The following UBE2K variants were observed in gnomAD, a reference collection of about 807,000 sequenced individuals.
The protein encoded by UBE2K is ubiquitin-conjugating enzyme E2 K.
A neutral mutation model predicts 30.0 loss-of-function variants in UBE2K; 6 were observed. The ratio of observed to expected loss-of-function variants is 0.20; its 90% CI spans 0.11 to 0.39. The LOEUF (loss-of-function observed/expected upper bound fraction) is 0.39, where lower values mean the gene tolerates loss of function less well. Ranked by LOEUF, UBE2K falls within the 10% of genes least tolerant of loss-of-function variation. The pLI is 1.00. For synonymous variants in UBE2K, 86 were observed against 83.7 expected, an observed-to-expected ratio of 1.03 and a Z score of -0.15; for missense variants, 61 against 241.6, an observed-to-expected ratio of 0.25 and a Z score of 4.96.
intron 4 of UBE2K, among the ~76,000 whole-genome samples, chr4:39,758,225 G>T (rs1711627557): frequency 1.3e-5 from 2 of 152,126 alleles, no homozygotes; most frequent in Non-Finnish European, 1.5e-5. Flanking sequence ...CCTGTCTGCA[G>T]ATCTATTGGC....
chr4:39,702,253 T>C (rs868591491), intron 1 of UBE2K, among the ~76,000 whole-genome samples: 27 of 40,998 alleles, frequency 6.6e-4, no homozygotes, highest in East Asian at 1.2e-3. Flanking sequence ...TTTTTTTTTT[T>C]TTTTTTTTTT....
At position 39,770,660 on chromosome 4, in the gene UBE2K, A is replaced by G. The variant is rs1712735880; in HGVS notation, c.300-4174A>G. 3.2e-6 allele frequency: 5 copies of G among 1,585,046 alleles called. No homozygotes were observed. The South Asian group carries it at 3.5e-5, about 11-fold the overall frequency. Reference sequence around the variant, plus strand: ...ACAGGCTATAGCAGGCCTTCACCACACCCTGCGGTGGGGCCACAGTGCTGG... The same window carrying G: ...ACAGGCTATAGCAGGCCTTCACCACGCCCTGCGGTGGGGCCACAGTGCTGG... On this transcript the variant is annotated intron_variant, in intron 4 of 6. Coordinates refer to ENST00000261427, the MANE Select transcript of UBE2K (RefSeq NM_005339.5).
intron 4 of UBE2K, chr4:39,770,334 T>C: frequency 1.2e-6 from 2 of 1,613,236 alleles, no homozygotes; most frequent in Non-Finnish European, 1.7e-6. Flanking sequence ...GTTCCTGTGG[T>C]GGTTGAGGTT....
At chr4:39,770,791 C>T (rs777500046) in intron 4 of UBE2K, 2 of 1,570,188 alleles carry the variant, frequency 1.3e-6, no homozygotes, top group Non-Finnish European at 1.7e-6. Flanking sequence ...TGTGCGATGT[C>T]CAGGGCCGAC....
intron 4 of UBE2K, chr4:39,761,103 C>G (rs1711912625): frequency 6.6e-6 from 1 of 152,170 alleles, no homozygotes; most frequent in Non-Finnish European, 1.5e-5. Flanking sequence ...CTATGCCAGT[C>G]AGGTGTCCAC....
In UBE2K at chr4:39,744,763, C is replaced by A. The variant is rs553531334; in HGVS notation, c.158-989C>A. On this transcript the variant is annotated intron_variant, in intron 2 of 6. Coordinates refer to ENST00000261427, the MANE Select transcript of UBE2K (RefSeq NM_005339.5). Reference sequence around the variant, plus strand: ...GTACTAAAAACACAAAAAAATTAGCCAGGCGTGGTGATGGGCGCCTGTAGT... The same window carrying A: ...GTACTAAAAACACAAAAAAATTAGCAAGGCGTGGTGATGGGCGCCTGTAGT... Among the ~76,000 whole-genome samples the A allele has an allele frequency of 9.4e-4, 142 of 151,238 alleles. 1 individual carries two copies. Among genetic ancestry groups the A allele is most frequent in the African/African-American group, 3.1e-3 (128 of 41,294 alleles).
At chr4:39,771,378 T>C in intron 4 of UBE2K, 2 of 1,612,734 alleles carry the variant, frequency 1.2e-6, no homozygotes, top group South Asian at 1.1e-5. Context: ...TCATGTTCCG[T>C]AGCGTAGCGG....
At chr4:39,723,482 C>T (rs1719547428) in intron 1 of UBE2K, among the ~76,000 whole-genome samples, 1 of 151,426 alleles carries the variant, frequency 6.6e-6, no homozygotes, top group Admixed American at 6.6e-5. Flanking sequence ...CATTCTGCTG[C>T]CTCAGCCTCC....
At chr4:39,766,179 GTTTTTGT>G (rs1712324108) in intron 4 of UBE2K, among the ~76,000 whole-genome samples, 1 of 146,318 alleles carries the variant, frequency 6.8e-6, no homozygotes, top group South Asian at 2.1e-4. Flanking sequence ...GTCTGTGTGT[GTTTTTGT>G]TTTTTGTTTT....
intron 1 of UBE2K, among the ~76,000 whole-genome samples, chr4:39,722,179 T>G (rs1199292419): frequency 1.3e-5 from 2 of 152,220 alleles, no homozygotes; most frequent in Non-Finnish European, 2.9e-5. Context: ...AATTGTATTC[T>G]TGGGTCTTTT....
At chr4:39,775,248 T>G (rs568614993) in intron 5 of UBE2K, among the ~76,000 whole-genome samples, 1 of 152,338 alleles carries the variant, frequency 6.6e-6, no homozygotes, top group Non-Finnish European at 1.5e-5. Flanking sequence ...GTCCATCTTT[T>G]TATCCTTCCT....
At chr4:39,702,003 C>T (rs1023795724) in intron 1 of UBE2K, among the ~76,000 whole-genome samples, 8 of 151,812 alleles carry the variant, frequency 5.3e-5, no homozygotes, top group South Asian at 4.2e-4. Context: ...TCAAGTGATC[C>T]GCCTGCCTCA....
chr4:39,763,717 C>T (rs954620781), intron 4 of UBE2K, among the ~76,000 whole-genome samples: 2 of 152,184 alleles, frequency 1.3e-5, no homozygotes, highest in African/African-American at 2.4e-5. Flanking sequence ...GACAAATATC[C>T]AAACTATATC....
At chr4:39,774,955 G>C (rs1292417074) in intron 5 of UBE2K, 22 bp downstream of exon 5, 1 of 1,542,416 alleles carries the variant, frequency 6.5e-7, no homozygotes, top group Non-Finnish European at 8.9e-7. Context: ...GCTTTTGAAA[G>C]ACTTTCTTAT....
At chr4:39,744,931 A>T (rs928916359) in intron 2 of UBE2K, among the ~76,000 whole-genome samples, 86 of 150,630 alleles carry the variant, frequency 5.7e-4, no homozygotes, top group African/African-American at 1.1e-3. Flanking sequence ...TAAATTAAAT[A>T]AAATAAATAA....
chr4:39,731,193 A>ATC (rs1720055899), intron 1 of UBE2K, among the ~76,000 whole-genome samples: 1 of 150,720 alleles, frequency 6.6e-6, no homozygotes, highest in Non-Finnish European at 1.5e-5. Flanking sequence ...GCGCCCGGCC[A>ATC]TCTTGTACTC....
Position 39,752,320 on chromosome 4 carries a change from TTTTTCTTTTTTTTTC to T in UBE2K, c.217-3332_217-3318del, listed in dbSNP as rs1234812889. Among the ~76,000 whole-genome samples the T allele has an allele frequency of 1.3e-3, 141 of 111,706 alleles. 3 individuals are homozygous for T. Among genetic ancestry groups the T allele is most frequent in the East Asian group, 8.7e-3 (28 of 3,222 alleles). The allele number at this position is 111,706 out of a possible 152,430, so 73.3% of individuals were successfully genotyped here. A position where few individuals can be genotyped will look rare whatever the true frequency, so the allele number is the denominator to read the frequency against. On this transcript the variant is annotated intron_variant, in intron 3 of 6. Coordinates refer to ENST00000261427, the MANE Select transcript of UBE2K (RefSeq NM_005339.5). ...CCATCACGCCTGGCTAATTTTTTTT[TTTTTCTTTTTTTTTC>T]TTTTTTTTTTTTTTTTTTTGAGACG...
Position 39,779,042 on chromosome 4 carries a change from A to ACCCCCCCCCCCCCCCCCCCTCC in UBE2K, c.*616_*617insCCCCCCCCCCCTCCCCCCCCCC, listed in dbSNP as rs3839130. The ACCCCCCCCCCCCCCCCCCCTCC allele has an allele frequency of 7.8e-6, 1 of 128,212 alleles. No individual in the cohort carries two copies. The highest frequency in any genetic ancestry group is 3.0e-5 in the African/African-American group (1 of 32,816). The allele number at this position is 128,212 out of a possible 1,614,324, so 7.9% of individuals were successfully genotyped here. A position where few individuals can be genotyped will look rare whatever the true frequency, so the allele number is the denominator to read the frequency against. Reference sequence around the variant, plus strand: ...TGGGACAGTGTCTGATTCCCCCTTCACCCCCCCCACCCCCGCCTTGCCACA... The same window carrying ACCCCCCCCCCCCCCCCCCCTCC: ...TGGGACAGTGTCTGATTCCCCCTTCACCCCCCCCCCCCCCCCCCCTCCCCCCCCCCACCCCCGCCTTGCCACA... On this transcript the variant is annotated 3_prime_UTR_variant, in exon 7 of 7. Transcript: ENST00000261427.
At chr4:39,723,210 A>ATT (rs150197220) in intron 1 of UBE2K, among the ~76,000 whole-genome samples, 3 of 140,060 alleles carry the variant, frequency 2.1e-5, no homozygotes, top group South Asian at 4.6e-4. Flanking sequence ...CACCTAGATA[A>ATT]TTTTTTTTTT....
Sources: allele counts gnomAD v4.1 joint callset (sites outside exome capture counted in the v4.1 genomes callset), GRCh38; gene constraint gnomAD v4.1.1; transcripts MANE v1.5; gene names NCBI Gene and HGNC (gene_info 2026-07-23, HGNC 2026-07-21).